The following PTPRD variants were observed in gnomAD, a reference collection of about 807,000 sequenced individuals.
PTPRD encodes the protein protein tyrosine phosphatase receptor type D.
In PTPRD, 34 loss-of-function variants were observed where a neutral mutation model predicts 214.5. The ratio of observed to expected loss-of-function variants is 0.16; its 90% CI spans 0.12 to 0.21. The LOEUF (loss-of-function observed/expected upper bound fraction) is 0.21. Among genes scored for constraint, PTPRD ranks in the 10% least tolerant of loss-of-function variants. The pLI, the probability that PTPRD is intolerant of heterozygous loss-of-function variation, is 1.00. For missense variants in PTPRD, 2,545 were observed against 2,398.7 expected, an observed-to-expected ratio of 1.06 and a Z score of -1.27; for synonymous variants, 1,128 against 845.7, an observed-to-expected ratio of 1.33 and a Z score of -5.79.
intron 5 of PTPRD, among the ~76,000 whole-genome samples, chr9:9,780,082 T>G (rs763744830): frequency 6.6e-6 from 1 of 152,166 alleles, no homozygotes; most frequent in Non-Finnish European, 1.5e-5. Context: ...ATGCAGCCAT[T>G]AAAAGGTAGG....
chr9:10,414,339 G>C (rs1480942253), intron 2 of PTPRD, among the ~76,000 whole-genome samples: 3 of 151,854 alleles, frequency 2.0e-5, no homozygotes, highest in African/African-American at 7.3e-5. Context: ...CATGAAAAAA[G>C]CTCAATATTA....
At chr9:9,942,903 T>A (rs1044606887) in intron 4 of PTPRD, among the ~76,000 whole-genome samples, 12 of 151,944 alleles carry the variant, frequency 7.9e-5, no homozygotes, top group African/African-American at 2.9e-4. Flanking sequence ...TTGTTTTTTT[T>A]TTTTTTTAAA....
At chr9:9,489,784 C>T (rs772349798) in intron 8 of PTPRD, among the ~76,000 whole-genome samples, 1 of 150,972 alleles carries the variant, frequency 6.6e-6, no homozygotes, top group Non-Finnish European at 1.5e-5. Context: ...ATGAAGTGGA[C>T]CAATATACAC....
In PTPRD at chr9:10,442,816, T is replaced by C. The variant is rs566060714; in HGVS notation, c.-599-101799A>G. 5.3e-5 allele frequency among the ~76,000 whole-genome samples: 8 copies of C among 151,564 alleles called. No individual in the cohort carries two copies. In the East Asian group the frequency reaches 7.8e-4, roughly 15 times the overall value. ...AGTATTATGGTCCTATTTTTGCTTG[T>C]TGGGAAAATAGGATACACTAATAAT... On this transcript the variant is annotated intron_variant, in intron 2 of 45. Coordinates refer to ENST00000381196, the MANE Select transcript of PTPRD (RefSeq NM_002839.4).
At chr9:8,530,344 T>C (rs1214814892) in intron 14 of PTPRD, among the ~76,000 whole-genome samples, 1 of 152,086 alleles carries the variant, frequency 6.6e-6, no homozygotes, top group East Asian at 1.9e-4. Context: ...TCTGCCCACA[T>C]TGAAATTCTC....
At chr9:9,394,450 G>A (rs10977722) in intron 9 of PTPRD, among the ~76,000 whole-genome samples, 39,797 of 151,948 alleles carry the variant, frequency 0.26, 5,319 homozygotes, top group Middle Eastern at 0.3. Flanking sequence ...AAGTTTACAG[G>A]ACATGTATTG....
At chr9:10,463,261 T>C (rs10124165) in intron 2 of PTPRD, among the ~76,000 whole-genome samples, 95,988 of 151,900 alleles carry the variant, frequency 0.63, 31,762 homozygotes, top group Non-Finnish European at 0.73. Context: ...TTAACGAGCA[T>C]TTATTTGAGA....
intron 7 of PTPRD, among the ~76,000 whole-genome samples, chr9:9,705,640 T>A (rs1285710887): frequency 2.0e-5 from 3 of 152,064 alleles, no homozygotes; most frequent in African/African-American, 7.2e-5. Flanking sequence ...ATGAAAATAT[T>A]TTATCTTAAA....
chr9:9,830,936 C>A (rs567799853), intron 5 of PTPRD, among the ~76,000 whole-genome samples: 114 of 151,818 alleles, frequency 7.5e-4, no homozygotes, highest in African/African-American at 2.6e-3. Context: ...GGTATCAGAC[C>A]CTCAAGAATA....
At chr9:8,824,056 G>C (rs887599658) in intron 11 of PTPRD, among the ~76,000 whole-genome samples, 1 of 152,166 alleles carries the variant, frequency 6.6e-6, no homozygotes, top group African/African-American at 2.4e-5. Flanking sequence ...AAGACAACCA[G>C]AGGTCACTCT....
At chr9:10,053,171 T>C (rs1035672435) in intron 3 of PTPRD, among the ~76,000 whole-genome samples, 1 of 152,206 alleles carries the variant, frequency 6.6e-6, no homozygotes, top group South Asian at 2.1e-4. Flanking sequence ...TTATGATCCA[T>C]GTATGCTTAA....
chr9:9,453,381 A>G (rs1214606583), intron 8 of PTPRD, among the ~76,000 whole-genome samples: 1 of 151,668 alleles, frequency 6.6e-6, no homozygotes, highest in Non-Finnish European at 1.5e-5. Context: ...GAAGTCCAAA[A>G]GGCAACATAA....
chr9:9,183,935 C>G (rs1166378973), intron 9 of PTPRD, among the ~76,000 whole-genome samples: 1 of 152,004 alleles, frequency 6.6e-6, no homozygotes. Flanking sequence ...AGATCCACAC[C>G]TCTGAAACAT....
chr9:9,416,914 T>A (rs201167644), intron 8 of PTPRD, among the ~76,000 whole-genome samples: 3 of 152,106 alleles, frequency 2.0e-5, no homozygotes, highest in South Asian at 2.1e-4. Flanking sequence ...TTTGTTTTTT[T>A]CCCTCAATAC....
At chr9:9,286,710 T>C (rs1436847475) in intron 9 of PTPRD, among the ~76,000 whole-genome samples, 1 of 150,746 alleles carries the variant, frequency 6.6e-6, no homozygotes, top group Admixed American at 6.7e-5. Context: ...CTAATTTCAC[T>C]GTAGTTGTCA....
At chr9:9,802,643 C>A (rs747149367) in intron 5 of PTPRD, among the ~76,000 whole-genome samples, 14 of 149,666 alleles carry the variant, frequency 9.4e-5, no homozygotes, top group African/African-American at 3.3e-4. Context: ...ATGCTAGGAA[C>A]GTTTTTTTTT....
intron 3 of PTPRD, among the ~76,000 whole-genome samples, chr9:10,057,715 T>C (rs1391663512): frequency 6.6e-6 from 1 of 151,760 alleles, no homozygotes; most frequent in East Asian, 2.0e-4. Flanking sequence ...GTGGTGCACG[T>C]GTCTGTAGTC....
At chr9:9,607,345 A>G (rs1313670106) in intron 7 of PTPRD, among the ~76,000 whole-genome samples, 2 of 152,158 alleles carry the variant, frequency 1.3e-5, no homozygotes, top group Non-Finnish European at 2.9e-5. Context: ...AACAGTTTAA[A>G]TGTTTTAGTT....
intron 11 of PTPRD, among the ~76,000 whole-genome samples, chr9:8,869,798 C>T (rs918319481): frequency 6.6e-6 from 1 of 151,656 alleles, no homozygotes; most frequent in Non-Finnish European, 1.5e-5. Flanking sequence ...TAATTCTGCT[C>T]TGCACAGCTG....
Sources: allele counts gnomAD v4.1 joint callset (sites outside exome capture counted in the v4.1 genomes callset), GRCh38; gene constraint gnomAD v4.1.1; transcripts MANE v1.5; gene names NCBI Gene and HGNC (gene_info 2026-07-23, HGNC 2026-07-21).